PCDHB4: variants seen among roughly 807,000 people sequenced by gnomAD.
PCDHB4 encodes protocadherin beta 4, also known as protocadherin beta-4.
For synonymous variants in PCDHB4, 482 were observed against 447.3 expected (o/e 1.08, Z -0.98); for missense variants, 1,063 against 1,007.0 (o/e 1.06, Z -0.75).
Position 141,123,074 on chromosome 5 carries a change from C to T in PCDHB4, c.1076C>T (p.Ala359Val). Reference sequence around the variant, plus strand: ...CTCACCAGCTCCATCCCAGAAAATGCTCCTGAGACGGTAGTCTCTATCTTC... The same window carrying T: ...CTCACCAGCTCCATCCCAGAAAATGTTCCTGAGACGGTAGTCTCTATCTTC... ...SSLTSSIPEN[A>V]PETVVSIFRI... The change falls in exon 1 of 1, where the codon GCT (alanine) becomes GTT (valine). Residue 359 changes from alanine (A) to valine (V), a missense_variant. By Grantham distance (64) the Ala-to-Val change is moderately conservative. Transcript: ENST00000194152. The T allele has an allele frequency of 1.2e-6, 2 of 1,613,392 alleles. No individual in the cohort carries two copies. The highest frequency in any genetic ancestry group is 1.7e-6 in the Non-Finnish European group (2 of 1,179,716).
chr5:141,123,547 TCG>T lies in PCDHB4; in HGVS notation c.1551_1552del (p.Leu518GlyfsTer156). 1 of 1,613,096 alleles carries T rather than the reference TCG, an allele frequency of 6.2e-7. No homozygotes were observed. The highest frequency in any genetic ancestry group is 8.5e-7 in the Non-Finnish European group (1 of 1,179,916). ...CAACGGCCACCTGTTCGCCCTCAGGTCGCTGGACTACGAGGCCCTGCAGGCGT... is the reference window on the plus strand; with the variant it reads ...CAACGGCCACCTGTTCGCCCTCAGGTCTGGACTACGAGGCCCTGCAGGCGT... ...ADNGHLFALR[S>X]LDYEALQAFE... is the part of the protein sequence containing the mutation. On this transcript the variant is annotated frameshift_variant, in exon 1 of 1. Transcript: ENST00000194152. LOFTEE classifies it low-confidence loss of function (END_TRUNC).
rs1554274466 is a variant in PCDHB4 at position 141,123,040 on chromosome 5, A to G, written c.1042A>G (p.Ile348Val). Residue 348 changes from isoleucine (I) to valine (V), a missense_variant, in exon 1 of 1, where the codon ATA becomes GTA. By Grantham distance (29) the Ile-to-Val change is conservative (BLOSUM62 3). Transcript: ENST00000194152. ...DVNDNPPELIISSLTSSIPEN... is the reference protein window; with the variant it reads ...DVNDNPPELIVSSLTSSIPEN... ...GAATGACAATCCCCCAGAACTTATC[A>G]TATCTTCACTCACCAGCTCCATCCC... is the stretch of plus-strand genomic sequence containing the variant. The G allele has an allele frequency of 2.5e-6, 4 of 1,613,862 alleles. No homozygotes were observed. Among genetic ancestry groups the G allele is most frequent in the Non-Finnish European group, 2.5e-6 (3 of 1,179,956 alleles).
chr5:141,124,327 G>T lies in PCDHB4; in HGVS notation c.2329G>T (p.Asp777Tyr). 1 of 1,614,004 alleles carries T rather than the reference G, an allele frequency of 6.2e-7. No individual in the cohort carries two copies. The highest frequency in any genetic ancestry group is 8.5e-7 in the Non-Finnish European group (1 of 1,179,966). ...KPIFPNLLVQ[D>Y]TGREVKENPK... ...AATATTTCCTAATCTCTTGGTTCAG[G>T]ACACCGGGAGGGAAGTTAAGGAAAA... Residue 777 changes from aspartate (D) to tyrosine (Y), a missense_variant, in exon 1 of 1, where the codon GAC becomes TAC. Asp to Tyr is a radical substitution (Grantham distance 160, BLOSUM62 -3). Transcript: ENST00000194152.
rs1392054371 is a variant in PCDHB4 at position 141,125,531 on chromosome 5, C to T, written c.*1145C>T. On this transcript the variant is annotated 3_prime_UTR_variant, in exon 1 of 1. Transcript: ENST00000194152. Reference sequence around the variant, plus strand: ...CTTCAGTTATTTTGAATTAATTTAACTTCTCAATTATGCCAAAGTTGCACT... The same window carrying T: ...CTTCAGTTATTTTGAATTAATTTAATTTCTCAATTATGCCAAAGTTGCACT... The T allele has an allele frequency of 6.6e-6, 1 of 152,116 alleles. No individual in the cohort carries two copies. The highest frequency in any genetic ancestry group is 1.5e-5 in the Non-Finnish European group (1 of 67,988). The allele number at this position is 152,116 out of a possible 1,614,324, so 9.4% of individuals were successfully genotyped here.
Position 141,125,370 on chromosome 5 carries a change from A to C in PCDHB4, c.*984A>C, listed in dbSNP as rs539016516. The stretch of plus-strand genomic sequence containing the variant: ...AAAAGAATCACGAAATTTCTTCTGC[A>C]CCTTGGCTATTCTGTTTAAATCTGA... On this transcript the variant is annotated 3_prime_UTR_variant, in exon 1 of 1. Transcript: ENST00000194152. 2 of 152,280 alleles carry C rather than the reference A, an allele frequency of 1.3e-5. No individual in the cohort carries two copies. The highest frequency in any genetic ancestry group is 2.9e-5 in the Non-Finnish European group (2 of 67,996). 9.4% of individuals were successfully genotyped at this position (152,280 alleles called of 1,614,324 possible).
chr5:141,124,563 T>C lies in PCDHB4; in HGVS notation c.*177T>C, dbSNP rs896352147. The C allele has an allele frequency of 5.7e-5, 31 of 547,798 alleles. No homozygotes were observed. The highest frequency in any genetic ancestry group is 5.5e-4 in the African/African-American group (29 of 53,108). The allele number at this position is 547,798 out of a possible 1,614,324, so 33.9% of individuals were successfully genotyped here. A position where few individuals can be genotyped will look rare whatever the true frequency, so the allele number is the denominator to read the frequency against. ...TTATTGTTATTAATTGCACTTAACATTTTTAGTTATACTGGATATTGAGTA... is the reference window on the plus strand; with the variant it reads ...TTATTGTTATTAATTGCACTTAACACTTTTAGTTATACTGGATATTGAGTA... On this transcript the variant is annotated 3_prime_UTR_variant, in exon 1 of 1. Transcript: ENST00000194152.
chr5:141,123,646 G>A lies in PCDHB4; in HGVS notation c.1648G>A (p.Val550Met), dbSNP rs1251635657. The change falls in exon 1 of 1, where the codon GTG becomes ATG. Residue 550 changes from valine to methionine, a missense_variant. Physicochemically the swap from Val to Met is conservative, Grantham distance 21. Coordinates refer to ENST00000194152, the MANE Select transcript of PCDHB4 (RefSeq NM_018938.4). ...LSSEALVRVL[V>M]LDTNDNSPFV... is the part of the protein sequence containing the mutation. ...CAGCGAGGCGCTGGTGCGCGTGCTG[G>A]TGCTGGACACCAACGACAACTCGCC... 11 of 1,611,614 alleles carry A rather than the reference G, an allele frequency of 6.8e-6. No individual in the cohort carries two copies. Among genetic ancestry groups the A allele is most frequent in the African/African-American group, 1.3e-5 (1 of 74,874 alleles).
chr5:141,123,381 G>A lies in PCDHB4; in HGVS notation c.1383G>A (p.Glu461=). ...CCTCCTACACCCTGTTCGTCCGCGA[G>A]AACAACAGCCCCGCCCTGCACATCG... ...TQTSYTLFVR[E]NNSPALHIGS... Residue 461 remains glutamate, a synonymous_variant, in exon 1 of 1, where the codon GAG becomes GAA. Transcript: ENST00000194152. 2 of 1,613,814 alleles carry A rather than the reference G, an allele frequency of 1.2e-6. No individual in the cohort carries two copies. The highest frequency in any genetic ancestry group is 2.2e-5 in the South Asian group (2 of 91,052).
rs1752386626 is a variant in PCDHB4 at position 141,124,969 on chromosome 5, TC to T, written c.*585del. On this transcript the variant is annotated 3_prime_UTR_variant, in exon 1 of 1. Coordinates refer to ENST00000194152, the MANE Select transcript of PCDHB4 (RefSeq NM_018938.4). ...TAATACACTAAAATTGTGGTCCTTTTCCTCTTGTGACCACCACATGTCTAGT... is the reference window on the plus strand; with the variant it reads ...TAATACACTAAAATTGTGGTCCTTTTCTCTTGTGACCACCACATGTCTAGT... The T allele has an allele frequency of 1.3e-5, 2 of 152,202 alleles. No homozygotes were observed. The highest frequency in any genetic ancestry group is 6.5e-5 in the Admixed American group (1 of 15,274). The allele number at this position is 152,202 out of a possible 1,614,324, so 9.4% of individuals were successfully genotyped here.
Position 141,123,257 on chromosome 5 carries a change from T to C in PCDHB4, c.1259T>C (p.Ile420Thr). 1 of 1,614,048 alleles carries C rather than the reference T, an allele frequency of 6.2e-7. No individual in the cohort carries two copies. Residue 420 changes from isoleucine (I) to threonine (T), a missense_variant, in exon 1 of 1, where the codon ATC (isoleucine) becomes ACC (threonine). Coordinates refer to ENST00000194152, the MANE Select transcript of PCDHB4 (RefSeq NM_018938.4). ...RETSAEYNIT[I>T]AVTDLGTPRL... Reference sequence around the variant, plus strand: ...ACCAGCGCTGAGTACAACATCACCATCGCCGTCACTGACTTGGGGACACCC... The same window carrying C: ...ACCAGCGCTGAGTACAACATCACCACCGCCGTCACTGACTTGGGGACACCC...
chr5:141,123,248 A>G lies in PCDHB4; in HGVS notation c.1250A>G (p.Asn417Ser), dbSNP rs139379172. Residue 417 changes from asparagine to serine, a missense_variant, in exon 1 of 1, where the codon AAC becomes AGC. Coordinates refer to ENST00000194152, the MANE Select transcript of PCDHB4 (RefSeq NM_018938.4). ...GACCGAGAGACCAGCGCTGAGTACA[A>G]CATCACCATCGCCGTCACTGACTTG... is the stretch of plus-strand genomic sequence containing the variant. Reference protein sequence around the residue: ...PLDRETSAEYNITIAVTDLGT... With the variant: ...PLDRETSAEYSITIAVTDLGT... The G allele has an allele frequency of 6.2e-7, 1 of 1,614,208 alleles. No homozygotes were observed. The highest frequency in any genetic ancestry group is 1.3e-5 in the African/African-American group (1 of 75,062).
Position 141,125,217 on chromosome 5 carries a change from C to CA in PCDHB4, c.*835dup, listed in dbSNP as rs1322337921. 3.9e-5 allele frequency: 6 copies of CA among 152,130 alleles called. No individual in the cohort carries two copies. In the East Asian group the frequency reaches 9.6e-4, roughly 24 times the overall value. The allele number at this position is 152,130 out of a possible 1,614,324, so 9.4% of individuals were successfully genotyped here. A position where few individuals can be genotyped will look rare whatever the true frequency, so the allele number is the denominator to read the frequency against. ...CTGAAATAAGCCCTAAATTTCTCCC[C>CA]AAAATCAAGACTCTTGAGAGCATCA... is the stretch of plus-strand genomic sequence containing the variant. On this transcript the variant is annotated 3_prime_UTR_variant, in exon 1 of 1. Transcript: ENST00000194152.
chr5:141,122,415 G>C lies in PCDHB4; in HGVS notation c.417G>C (p.Leu139Phe). 1.2e-6 allele frequency: 2 copies of C among 1,614,214 alleles called. No homozygotes were observed. Among genetic ancestry groups the C allele is most frequent in the Non-Finnish European group, 1.7e-6 (2 of 1,180,034 alleles). ...SPIFPEREVLLKILENSQPGT... is the reference protein window; with the variant it reads ...SPIFPEREVLFKILENSQPGT... ...TATTCCCTGAAAGGGAAGTGCTCTT[G>C]AAAATACTAGAAAATAGCCAGCCGG... Residue 139 changes from leucine to phenylalanine, a missense_variant, in exon 1 of 1, where the codon TTG (leucine) becomes TTC (phenylalanine). Transcript: ENST00000194152.
rs1327674932 is a variant in PCDHB4, at chr5:141,123,235, A to G, written c.1237A>G (p.Ser413Gly). The change falls in exon 1 of 1, where the codon AGC becomes GGC. Residue 413 changes from serine (S) to glycine (G), a missense_variant. Transcript: ENST00000194152. ...VTERPLDRET[S>G]AEYNITIAVT... ...AGAGAGACCACTGGACCGAGAGACC[A>G]GCGCTGAGTACAACATCACCATCGC... The G allele has an allele frequency of 1.2e-6, 2 of 1,614,084 alleles. No homozygotes were observed. The highest frequency in any genetic ancestry group is 1.7e-6 in the Non-Finnish European group (2 of 1,180,052).
chr5:141,123,670 C>A lies in PCDHB4; in HGVS notation c.1672C>A (p.Pro558Thr). The change falls in exon 1 of 1, where the codon CCC (proline) becomes ACC (threonine). Residue 558 changes from proline to threonine, a missense_variant. Physicochemically the swap from Pro to Thr is conservative, Grantham distance 38. Coordinates refer to ENST00000194152, the MANE Select transcript of PCDHB4 (RefSeq NM_018938.4). ...VLVLDTNDNS[P>T]FVLYPLQNGS... The stretch of plus-strand genomic sequence containing the variant: ...GGTGCTGGACACCAACGACAACTCG[C>A]CCTTCGTGCTGTACCCGCTGCAGAA... The A allele has an allele frequency of 6.2e-7, 1 of 1,611,474 alleles. No individual in the cohort carries two copies. The highest frequency in any genetic ancestry group is 8.5e-7 in the Non-Finnish European group (1 of 1,179,592).
Position 141,123,341 on chromosome 5 carries a change from C to T in PCDHB4, c.1343C>T (p.Pro448Leu). The change falls in exon 1 of 1, where the codon CCC becomes CTC. Residue 448 changes from proline to leucine, a missense_variant. Pro to Leu is a moderately conservative substitution (Grantham distance 98, BLOSUM62 -3). Transcript: ENST00000194152. Reference protein sequence around the residue: ...VQVSDVNDNAPAFTQTSYTLF... With the variant: ...VQVSDVNDNALAFTQTSYTLF... ...GTCTCCGACGTCAATGACAACGCCC[C>T]CGCCTTCACCCAAACCTCCTACACC... is the stretch of plus-strand genomic sequence containing the variant. 6.2e-7 allele frequency: 1 copy of T among 1,614,106 alleles called. No homozygotes were observed. The highest frequency in any genetic ancestry group is 1.7e-4 in the Middle Eastern group (1 of 6,010).
At position 141,123,942 on chromosome 5, in the gene PCDHB4, G is replaced by T; in HGVS notation, c.1944G>T (p.Glu648Asp). 1 of 1,604,678 alleles carries T rather than the reference G, an allele frequency of 6.2e-7. No individual in the cohort carries two copies. The highest frequency in any genetic ancestry group is 1.1e-5 in the South Asian group (1 of 90,982). Residue 648 changes from glutamate (E) to aspartate (D), a missense_variant, in exon 1 of 1, where the codon GAG becomes GAT. Transcript: ENST00000194152. ...TGGTGCTTGTCAAGGACAATGGCGA[G>T]CCTCCGCGCTCGGCCACCGCCACGC... is the stretch of plus-strand genomic sequence containing the variant. ...RLVVLVKDNG[E>D]PPRSATATLH...
Position 141,123,865 on chromosome 5 carries a change from G to T in PCDHB4, c.1867G>T (p.Val623Leu). Residue 623 changes from valine (V) to leucine (L), a missense_variant, in exon 1 of 1, where the codon GTG (valine) becomes TTG (leucine). Val to Leu is a conservative substitution (Grantham distance 32). Transcript: ENST00000194152. ...CGGCGTGTGGGCGCACAATGGCGAGGTGCGCACCGCCAGGCTGCTGAGCGA... is the reference window on the plus strand; with the variant it reads ...CGGCGTGTGGGCGCACAATGGCGAGTTGCGCACCGCCAGGCTGCTGAGCGA... ...LFGVWAHNGEVRTARLLSERD... is the reference protein window; with the variant it reads ...LFGVWAHNGELRTARLLSERD... The T allele has an allele frequency of 6.8e-6, 11 of 1,607,736 alleles. No homozygotes were observed. Among genetic ancestry groups the T allele is most frequent in the Non-Finnish European group, 9.3e-6 (11 of 1,179,650 alleles).
At position 141,123,057 on chromosome 5, in the gene PCDHB4, C is replaced by G. The variant is rs556683274; in HGVS notation, c.1059C>G (p.Ser353Arg). 8 of 1,613,608 alleles carry G rather than the reference C, an allele frequency of 5.0e-6. No individual in the cohort carries two copies. The highest frequency in any genetic ancestry group is 5.9e-6 in the Non-Finnish European group (7 of 1,179,824). ...PPELIISSLT[S>R]SIPENAPETV... The stretch of plus-strand genomic sequence containing the variant: ...AACTTATCATATCTTCACTCACCAG[C>G]TCCATCCCAGAAAATGCTCCTGAGA... Residue 353 changes from serine (S) to arginine (R), a missense_variant, in exon 1 of 1, where the codon AGC becomes AGG. Ser to Arg is a moderately radical substitution (Grantham distance 110, BLOSUM62 -1). Transcript: ENST00000194152.
Sources: allele counts gnomAD v4.1 joint callset, GRCh38; gene constraint gnomAD v4.1.1; transcripts MANE v1.5; gene names NCBI Gene and HGNC (gene_info 2026-07-23, HGNC 2026-07-21).